The following CERS6 variants were observed in gnomAD, a reference collection of about 807,000 sequenced individuals.
CERS6 encodes the protein LAG1 homolog, ceramide synthase 6.
In CERS6, 26 loss-of-function variants were observed where a neutral mutation model predicts 56.8. The observed-to-expected ratio is 0.46, with a 90% confidence interval of 0.34 to 0.63. CERS6 has a LOEUF of 0.63. CERS6 is among the 30% of genes least tolerant of loss of function. The pLI is 0.01. For missense variants in CERS6, 415 were observed against 467.5 expected, an observed-to-expected ratio of 0.89 and a Z score of 1.04; for synonymous variants, 164 against 173.3, an observed-to-expected ratio of 0.95 and a Z score of 0.42.
intron 8 of CERS6, among the ~76,000 whole-genome samples, chr2:168,751,624 C>T (rs1162864739): frequency 6.6e-6 from 1 of 152,100 alleles, no homozygotes; most frequent in African/African-American, 2.4e-5. Flanking sequence ...AGTGTCTTCA[C>T]ACCTCCAATC....
intron 1 of CERS6, among the ~76,000 whole-genome samples, chr2:168,463,382 T>A (rs1424350060): frequency 6.6e-6 from 1 of 152,246 alleles, no homozygotes; most frequent in Non-Finnish European, 1.5e-5. Context: ...GGTTATACCA[T>A]AATTTACTTA....
chr2:168,503,416 A>G (rs1694619941), intron 1 of CERS6, among the ~76,000 whole-genome samples: 1 of 152,218 alleles, frequency 6.6e-6, no homozygotes, highest in Non-Finnish European at 1.5e-5. Context: ...AACTATGGTT[A>G]GGTTACAAGA....
In CERS6 at chr2:168,702,840, G is replaced by A. The variant is rs1438630419; in HGVS notation, c.609+7789G>A. 3.3e-5 allele frequency among the ~76,000 whole-genome samples: 5 copies of A among 152,100 alleles called. No homozygotes were observed. The South Asian group carries it at 8.3e-4, about 25-fold the overall frequency. ...ATAACTATCTGAAAGTACTATTAAG[G>A]TACTTCTTCCTTCTCCAGCTATGTA... On this transcript the variant is annotated intron_variant, in intron 6 of 9. Coordinates refer to ENST00000305747, the MANE Select transcript of CERS6 (RefSeq NM_203463.3).
chr2:168,610,610 TATGAAA>T (rs1488325253), intron 3 of CERS6, among the ~76,000 whole-genome samples: 10 of 152,222 alleles, frequency 6.6e-5, no homozygotes, highest in African/African-American at 1.9e-4. Flanking sequence ...GAATTTTCCC[TATGAAA>T]ATTCTATGCT....
At chr2:168,739,917 C>T (rs1208277378) in intron 8 of CERS6, among the ~76,000 whole-genome samples, 3 of 151,968 alleles carry the variant, frequency 2.0e-5, no homozygotes, top group Admixed American at 6.6e-5. Context: ...ACCAGGTTGG[C>T]GAGGCTGGTC....
chr2:168,535,344 C>T (rs1347672160), intron 1 of CERS6, among the ~76,000 whole-genome samples: 2 of 152,206 alleles, frequency 1.3e-5, no homozygotes, highest in South Asian at 2.1e-4. Flanking sequence ...AATGCGTTCA[C>T]GAGTGGGATC....
intron 6 of CERS6, among the ~76,000 whole-genome samples, chr2:168,697,441 T>A (rs750979490): frequency 4.6e-5 from 7 of 152,186 alleles, no homozygotes; most frequent in Non-Finnish European, 1.0e-4. Flanking sequence ...TTATTTTCTG[T>A]GTGCCAGGTA....
intron 2 of CERS6, among the ~76,000 whole-genome samples, chr2:168,558,723 G>T (rs528845470): frequency 6.6e-6 from 1 of 152,284 alleles, no homozygotes; most frequent in South Asian, 2.1e-4. Context: ...CAAAAAATTA[G>T]CAGGGTGTGG....
At chr2:168,580,102 A>G (rs1276114635) in intron 3 of CERS6, among the ~76,000 whole-genome samples, 2 of 152,140 alleles carry the variant, frequency 1.3e-5, no homozygotes, top group Admixed American at 1.3e-4. Flanking sequence ...CTATTTAAAA[A>G]CCTAATACAA....
In CERS6 at chr2:168,761,748, A is replaced by AC. The variant is rs1157709101; in HGVS notation, c.846-3843dup. On this transcript the variant is annotated intron_variant, in intron 8 of 9. Transcript: ENST00000305747. Reference sequence around the variant, plus strand: ...GGTGTGTGAGTCCTCCCACACCACCACAGAGTTGAGCCTTGTTGTCCCCCT... The same window carrying AC: ...GGTGTGTGAGTCCTCCCACACCACCACCAGAGTTGAGCCTTGTTGTCCCCCT... Among the ~76,000 whole-genome samples the AC allele has an allele frequency of 5.3e-5, 8 of 152,248 alleles. No individual in the cohort carries two copies. In the South Asian group the frequency reaches 1.7e-3, roughly 32 times the overall value.
intron 3 of CERS6, among the ~76,000 whole-genome samples, chr2:168,597,708 G>A (rs1422122351): frequency 6.6e-6 from 1 of 152,122 alleles, no homozygotes; most frequent in African/African-American, 2.4e-5. Context: ...CAATTGATAT[G>A]TATATTAATA....
intron 1 of CERS6, among the ~76,000 whole-genome samples, chr2:168,500,961 A>G (rs1694569911): frequency 6.6e-6 from 1 of 152,226 alleles, no homozygotes; most frequent in African/African-American, 2.4e-5. Context: ...GCGACTATAA[A>G]GTAGATGTAG....
At position 168,770,195 on chromosome 2, in the gene CERS6, A is replaced by G. The variant is rs1684829204; in HGVS notation, c.*533A>G. ...CTTAGTGACCATTTAAACCGGACGA[A>G]CTAGGTGTTTAATTTTCACTCTTCA... is the stretch of plus-strand genomic sequence containing the variant. On this transcript the variant is annotated 3_prime_UTR_variant, in exon 10 of 10. Coordinates refer to ENST00000305747, the MANE Select transcript of CERS6 (RefSeq NM_203463.3). The G allele has an allele frequency of 6.6e-6, 1 of 152,398 alleles. No homozygotes were observed. Among genetic ancestry groups the G allele is most frequent in the Non-Finnish European group, 1.5e-5 (1 of 68,174 alleles). The allele number at this position is 152,398 out of a possible 1,614,324, so 9.4% of individuals were successfully genotyped here. A position where few individuals can be genotyped will look rare whatever the true frequency, so the allele number is the denominator to read the frequency against.
At chr2:168,498,111 A>C (rs1047600585) in intron 1 of CERS6, among the ~76,000 whole-genome samples, 1 of 152,180 alleles carries the variant, frequency 6.6e-6, no homozygotes, top group Non-Finnish European at 1.5e-5. Context: ...AGTAAGCTTC[A>C]GTTTTGTAAA....
chr2:168,520,782 G>C (rs1469527420), intron 1 of CERS6, among the ~76,000 whole-genome samples: 1 of 151,112 alleles, frequency 6.6e-6, no homozygotes, highest in African/African-American at 2.4e-5. Flanking sequence ...GCTTATTTTT[G>C]TATTATTAAT....
At chr2:168,505,651 A>G (rs966079036) in intron 1 of CERS6, among the ~76,000 whole-genome samples, 3 of 152,152 alleles carry the variant, frequency 2.0e-5, no homozygotes, top group African/African-American at 4.8e-5. Context: ...CCCAGTATCT[A>G]TTAGGGCTCA....
At chr2:168,516,280 A>C (rs894612171) in intron 1 of CERS6, among the ~76,000 whole-genome samples, 1 of 152,204 alleles carries the variant, frequency 6.6e-6, no homozygotes, top group African/African-American at 2.4e-5. Context: ...CCTATAGATC[A>C]CTTAGGGGAG....
In CERS6 at chr2:168,533,707, C is replaced by T. The variant is rs113658755; in HGVS notation, c.171-13889C>T. Among the ~76,000 whole-genome samples the T allele has an allele frequency of 1.6e-3, 248 of 152,208 alleles. 2 individuals are homozygous for T. Among genetic ancestry groups the T allele is most frequent in the African/African-American group, 5.8e-3 (241 of 41,512 alleles). On this transcript the variant is annotated intron_variant, in intron 1 of 9. Transcript: ENST00000305747. The stretch of plus-strand genomic sequence containing the variant: ...TTATGTGTCTCAGGGTTGATCTTCT[C>T]GTGGAGTATCTTAGTGGTGTTCTCT...
At chr2:168,601,097 C>G (rs1208876799) in intron 3 of CERS6, among the ~76,000 whole-genome samples, 4 of 152,204 alleles carry the variant, frequency 2.6e-5, no homozygotes, top group Non-Finnish European at 5.9e-5. Context: ...TATTACACTT[C>G]AGCCTACGCC....
Sources: gnomAD v4.1 joint callset for allele counts (sites outside exome capture counted in the v4.1 genomes callset) on GRCh38, gnomAD v4.1.1 for gene constraint, MANE v1.5 for transcripts, NCBI Gene and HGNC (gene_info 2026-07-23, HGNC 2026-07-21) for gene names.